Variants in VPS54 observed in about 807,000 individuals in gnomAD.
The protein encoded by VPS54 is VPS54 subunit of GARP complex, also known as vacuolar protein sorting-associated protein 54.
A neutral mutation model predicts 121.5 loss-of-function variants in VPS54; 45 were observed. The observed-to-expected ratio is 0.37, with a 90% CI of 0.29 to 0.47. VPS54 has a LOEUF of 0.47. Among genes scored for constraint, VPS54 ranks in the 20% least tolerant of loss-of-function variants. The pLI is 0.99. For missense variants in VPS54, 1,090 were observed against 1,131.4 expected, an observed-to-expected ratio of 0.96 and a Z score of 0.52; for synonymous variants, 371 against 385.8, an observed-to-expected ratio of 0.96 and a Z score of 0.45.
chr2:63,980,463 T>A (rs1226269530), intron 3 of VPS54, among the ~76,000 whole-genome samples: 1 of 152,176 alleles, frequency 6.6e-6, no homozygotes, highest in African/African-American at 2.4e-5. Flanking sequence ...GGTTTAAGAT[T>A]ATCATCTTGA....
chr2:63,970,519 C>A (rs1676234370), intron 4 of VPS54, among the ~76,000 whole-genome samples: 1 of 152,000 alleles, frequency 6.6e-6, no homozygotes, highest in Admixed American at 6.6e-5. Context: ...CTTGTACTCA[C>A]TCCTTAATAT....
At chr2:64,012,689 A>AT (rs1170694817) in intron 1 of VPS54, among the ~76,000 whole-genome samples, 3 of 146,956 alleles carry the variant, frequency 2.0e-5, no homozygotes, top group African/African-American at 7.7e-5. Context: ...TCATCGGCCC[A>AT]TCAAAAAAAA....
chr2:63,913,027 G>T (rs1192593337), intron 18 of VPS54, among the ~76,000 whole-genome samples, 196 bp downstream of exon 18: 2 of 152,078 alleles, frequency 1.3e-5, no homozygotes, highest in Non-Finnish European at 2.9e-5. Flanking sequence ...ACTTGGAGGG[G>T]AAATGCATCG....
chr2:63,934,693 C>A (rs1366014716), intron 11 of VPS54, among the ~76,000 whole-genome samples: 11 of 151,252 alleles, frequency 7.3e-5, no homozygotes, highest in South Asian at 6.3e-4. Flanking sequence ...AACAAAAAAA[C>A]CCATTTATCA....
chr2:63,914,092 C>T (rs1279640312), intron 17 of VPS54, 90 bp downstream of exon 17: 1 of 1,166,274 alleles, frequency 8.6e-7, no homozygotes, highest in Non-Finnish European at 1.3e-6. Flanking sequence ...GTTAATTTGA[C>T]CTTGAAATGT....
At chr2:63,958,860 T>C (rs1203809995) in intron 7 of VPS54, among the ~76,000 whole-genome samples, 2 of 152,240 alleles carry the variant, frequency 1.3e-5, no homozygotes, top group Non-Finnish European at 2.9e-5. Context: ...AGATTTCTTA[T>C]TTCAAGTAAG....
intron 20 of VPS54, among the ~76,000 whole-genome samples, chr2:63,900,086 G>T (rs545251932): frequency 1.3e-5 from 2 of 152,112 alleles, no homozygotes; most frequent in Non-Finnish European, 1.5e-5. Flanking sequence ...GGGGCATGGT[G>T]GCAGGCACCT....
chr2:64,013,641 T>G (rs987952897), intron 1 of VPS54, among the ~76,000 whole-genome samples: 18 of 145,928 alleles, frequency 1.2e-4, no homozygotes, highest in Non-Finnish European at 2.2e-4. Flanking sequence ...TAAATATATA[T>G]CAATATATAG....
intron 11 of VPS54, among the ~76,000 whole-genome samples, chr2:63,937,174 T>C (rs1161170311): frequency 3.9e-5 from 6 of 152,080 alleles, no homozygotes; most frequent in African/African-American, 1.4e-4. Flanking sequence ...GAAAAACTTC[T>C]ATGCATCAAA....
intron 7 of VPS54, among the ~76,000 whole-genome samples, chr2:63,950,834 G>T (rs1675209230): frequency 6.6e-6 from 1 of 152,002 alleles, no homozygotes; most frequent in African/African-American, 2.4e-5. Context: ...AACCTTTCAG[G>T]TAGATATTCT....
At chr2:64,012,989 C>G (rs1037724741) in intron 1 of VPS54, among the ~76,000 whole-genome samples, 1 of 152,176 alleles carries the variant, frequency 6.6e-6, no homozygotes, top group African/African-American at 2.4e-5. Context: ...AGAAAAGTTA[C>G]CATTTGTAAT....
chr2:63,988,133 C>A (rs2104633125), intron 1 of VPS54, among the ~76,000 whole-genome samples: 1 of 152,264 alleles, frequency 6.6e-6, no homozygotes, highest in Non-Finnish European at 1.5e-5. Context: ...TTTCCTCATT[C>A]AGTGTGATAA....
At chr2:63,942,864 T>C (rs1431147542) in intron 10 of VPS54, among the ~76,000 whole-genome samples, 3 of 152,186 alleles carry the variant, frequency 2.0e-5, no homozygotes, top group Admixed American at 1.3e-4. Flanking sequence ...AATGGAAACA[T>C]ACATCTCTCC....
intron 12 of VPS54, among the ~76,000 whole-genome samples, chr2:63,922,316 C>T (rs1183131025): frequency 6.6e-6 from 1 of 152,188 alleles, no homozygotes; most frequent in Non-Finnish European, 1.5e-5. Context: ...ACCTTAACCT[C>T]ATTTTTCTCT....
intron 7 of VPS54, among the ~76,000 whole-genome samples, chr2:63,957,259 G>C (rs1018811931): frequency 6.6e-6 from 1 of 151,920 alleles, no homozygotes; most frequent in South Asian, 2.1e-4. Context: ...TGGCTAACAC[G>C]GTGAAACCCT....
rs1672301518 is a variant in VPS54 at position 63,893,295 on chromosome 2, ACTTTC to A, written c.*130_*134del. On this transcript the variant is annotated 3_prime_UTR_variant, in exon 23 of 23. Coordinates refer to ENST00000272322, the MANE Select transcript of VPS54 (RefSeq NM_016516.3). ...TGAATCCAGTTTCCCAACACTTGAT[ACTTTC>A]CTTTTTCCCTTCCCCCACCCCAGTT... 1.2e-6 allele frequency: 1 copy of A among 818,540 alleles called. No individual in the cohort carries two copies. Among genetic ancestry groups the A allele is most frequent in the African/African-American group, 1.7e-5 (1 of 59,918 alleles). The allele number at this position is 818,540 out of a possible 1,614,324, so 50.7% of individuals were successfully genotyped here.
chr2:63,902,564 A>C (rs1198352973), intron 20 of VPS54, among the ~76,000 whole-genome samples: 1 of 152,224 alleles, frequency 6.6e-6, no homozygotes, highest in Non-Finnish European at 1.5e-5. Flanking sequence ...TTAAAAAAAA[A>C]ACAAAATATA....
intron 12 of VPS54, among the ~76,000 whole-genome samples, chr2:63,933,446 T>TAA (rs1674307556): frequency 6.6e-6 from 1 of 152,190 alleles, no homozygotes; most frequent in Non-Finnish European, 1.5e-5. Flanking sequence ...AAAATGGTCT[T>TAA]TAAAGTTCTT....
At chr2:63,982,857 G>C (rs971757498) in intron 2 of VPS54, among the ~76,000 whole-genome samples, 4 of 152,150 alleles carry the variant, frequency 2.6e-5, no homozygotes, top group Non-Finnish European at 4.4e-5. Flanking sequence ...GCTTTGTCTT[G>C]TTCAACTTCA....
Sources: gnomAD v4.1 joint callset for allele counts (sites outside exome capture counted in the v4.1 genomes callset) on GRCh38, gnomAD v4.1.1 for gene constraint, MANE v1.5 for transcripts, NCBI Gene and HGNC (gene_info 2026-07-23, HGNC 2026-07-21) for gene names.